The following HNRNPR variants were observed in gnomAD, a reference collection of about 807,000 sequenced individuals.
HNRNPR encodes the protein heterogeneous nuclear ribonucleoprotein R.
HNRNPR carries 4 observed loss-of-function variants against 70.3 expected under a neutral mutation model. That is an observed-to-expected ratio of 0.06 (90% CI 0.03 to 0.13). HNRNPR has a LOEUF of 0.13. HNRNPR is among the 10% of genes least tolerant of loss of function. HNRNPR has a pLI of 1.00. For missense variants in HNRNPR, 423 were observed against 788.5 expected, an observed-to-expected ratio of 0.54 and a Z score of 5.55; for synonymous variants, 241 against 267.6, an observed-to-expected ratio of 0.90 and a Z score of 0.97.
Position 23,330,466 on chromosome 1 carries a change from C to T in HNRNPR, c.498+3052G>A, listed in dbSNP as rs368146900. ...AGGAGGATCGCTTGAACCTGGGAGG[C>T]GGAGGTTGCAGTGAGCCGAGATCGT... On this transcript the variant is annotated intron_variant, in intron 5 of 10. Coordinates refer to ENST00000302271, the MANE Select transcript of HNRNPR (RefSeq NM_005826.5). Among the ~76,000 whole-genome samples, 3 of 151,950 alleles carry T rather than the reference C, an allele frequency of 2.0e-5. No individual in the cohort carries two copies. The East Asian group carries it at 5.8e-4, about 29-fold the overall frequency.
At chr1:23,319,627 C>T (rs1366791519) in intron 7 of HNRNPR, among the ~76,000 whole-genome samples, 1 of 152,160 alleles carries the variant, frequency 6.6e-6, no homozygotes, top group African/African-American at 2.4e-5. Flanking sequence ...GGAATAATAT[C>T]CCATAAACAA....
rs999432042 is a variant in HNRNPR, at chr1:23,333,712, G to C, written c.385-81C>G. The C allele has an allele frequency of 5.3e-6, 4 of 761,326 alleles. No individual in the cohort carries two copies. In the African/African-American group the frequency reaches 6.9e-5, roughly 13 times the overall value. 47.2% of individuals were successfully genotyped at this position (761,326 alleles called of 1,614,324 possible). ...TCAGTGTATTAATCTTTTCCAAAAAGGACTCCAACTTCCTAGGAGATATAT... is the reference window on the plus strand; with the variant it reads ...TCAGTGTATTAATCTTTTCCAAAAACGACTCCAACTTCCTAGGAGATATAT... On this transcript the variant is annotated intron_variant, in intron 4 of 10. Transcript: ENST00000302271.
intron 8 of HNRNPR, among the ~76,000 whole-genome samples, chr1:23,315,247 T>C (rs1045845288): frequency 1.4e-4 from 18 of 130,828 alleles, no homozygotes; most frequent in African/African-American, 5.1e-4. Flanking sequence ...ACCACTGCAC[T>C]CCAGCCTGGG....
intron 5 of HNRNPR, among the ~76,000 whole-genome samples, chr1:23,330,034 G>A (rs915455328): frequency 6.6e-6 from 1 of 152,012 alleles, no homozygotes; most frequent in Non-Finnish European, 1.5e-5. Context: ...ATACAATTCA[G>A]GTGCCACAAA....
intron 3 of HNRNPR, chr1:23,338,220 A>T (rs994843325): frequency 3.1e-6 from 1 of 323,840 alleles, no homozygotes; most frequent in African/African-American, 2.1e-5. Context: ...GCTGAGTAAC[A>T]TGTAAAAACC....
intron 9 of HNRNPR, among the ~76,000 whole-genome samples, chr1:23,312,700 G>C (rs531982422): frequency 6.6e-6 from 1 of 152,238 alleles, no homozygotes; most frequent in African/African-American, 2.4e-5. Flanking sequence ...TTTAAAAGCA[G>C]TAGCCTGGGC....
chr1:23,323,868 G>GA, intron 5 of HNRNPR, 136 bp from the exon 6 acceptor site: 1 of 703,198 alleles, frequency 1.4e-6, no homozygotes, highest in Non-Finnish European at 2.5e-6. Flanking sequence ...GAAACTTACA[G>GA]TTGACTTGCA....
At chr1:23,335,396 C>T (rs1442527050) in intron 4 of HNRNPR, among the ~76,000 whole-genome samples, 1 of 152,198 alleles carries the variant, frequency 6.6e-6, no homozygotes, top group African/African-American at 2.4e-5. Context: ...GGCCACAGAC[C>T]CGTACTGGTC....
At chr1:23,333,329 G>C (rs187170944) in intron 5 of HNRNPR, among the ~76,000 whole-genome samples, 189 bp downstream of exon 5, 1 of 152,190 alleles carries the variant, frequency 6.6e-6, no homozygotes, top group South Asian at 2.1e-4. Flanking sequence ...TAAAGTGTTC[G>C]GGTATCTACC....
chr1:23,331,634 A>G (rs1646228596), intron 5 of HNRNPR, among the ~76,000 whole-genome samples: 1 of 150,768 alleles, frequency 6.6e-6, no homozygotes, highest in Non-Finnish European at 1.5e-5. Flanking sequence ...TTGCAGTGAG[A>G]CGAAATTGCA....
rs1645230040 is a variant in HNRNPR, at chr1:23,308,022, C to G, written c.*2432G>C. On this transcript the variant is annotated 3_prime_UTR_variant, in exon 11 of 11. Coordinates refer to ENST00000302271, the MANE Select transcript of HNRNPR (RefSeq NM_005826.5). ...TTATGTGAAAAGTTGAGCTCTGAAT[C>G]TATTTTCTCTGAATGCTGCTACAGT... The G allele has an allele frequency of 6.6e-6, 1 of 151,882 alleles. No individual in the cohort carries two copies. Among genetic ancestry groups the G allele is most frequent in the Non-Finnish European group, 1.5e-5 (1 of 67,870 alleles). The allele number at this position is 151,882 out of a possible 1,614,324, so 9.4% of individuals were successfully genotyped here.
chr1:23,339,888 A>G (rs1413675435), intron 2 of HNRNPR, among the ~76,000 whole-genome samples: 2 of 152,188 alleles, frequency 1.3e-5, no homozygotes, highest in African/African-American at 2.4e-5. Flanking sequence ...CTCTAAGCAG[A>G]TCACTGCCAA....
Position 23,331,990 on chromosome 1 carries a change from G to C in HNRNPR, c.498+1528C>G, listed in dbSNP as rs181503758. Among the ~76,000 whole-genome samples, 257 of 152,208 alleles carry C rather than the reference G, an allele frequency of 1.7e-3. 2 individuals carry two copies. The highest frequency in any genetic ancestry group is 5.8e-3 in the African/African-American group (242 of 41,538). On this transcript the variant is annotated intron_variant, in intron 5 of 10. Transcript: ENST00000302271. ...CCACTACAAATAGAAAAATTAGCCAGGCGTGGTGGCAGGCATCTGTAGTCC... is the reference window on the plus strand; with the variant it reads ...CCACTACAAATAGAAAAATTAGCCACGCGTGGTGGCAGGCATCTGTAGTCC...
rs11345105 is a variant in HNRNPR, at chr1:23,327,995, C to CAAA, written c.499-4266_499-4264dup. 6.7e-3 allele frequency among the ~76,000 whole-genome samples: 799 copies of CAAA among 118,636 alleles called. 9 individuals are homozygous for CAAA. Among genetic ancestry groups the CAAA allele is most frequent in the Middle Eastern group, 0.035 (8 of 230 alleles). 77.8% of individuals were successfully genotyped at this position (118,636 alleles called of 152,430 possible). Reference sequence around the variant, plus strand: ...TGAGAAACACAGCAAGACTCTGTCTCAAAAAAAAAAAAAAAAAAGAAAAGA... The same window carrying CAAA: ...TGAGAAACACAGCAAGACTCTGTCTCAAAAAAAAAAAAAAAAAAAAAGAAAAGA... On this transcript the variant is annotated intron_variant, in intron 5 of 10. Coordinates refer to ENST00000302271, the MANE Select transcript of HNRNPR (RefSeq NM_005826.5).
At chr1:23,332,297 T>C (rs1646267925) in intron 5 of HNRNPR, among the ~76,000 whole-genome samples, 2 of 152,138 alleles carry the variant, frequency 1.3e-5, no homozygotes, top group African/African-American at 4.8e-5. Flanking sequence ...CATCCTTCCC[T>C]TGTGCAATCC....
intron 5 of HNRNPR, among the ~76,000 whole-genome samples, chr1:23,332,404 T>A (rs1232743291): frequency 1.4e-5 from 2 of 145,840 alleles, no homozygotes; most frequent in Admixed American, 6.8e-5. Flanking sequence ...TTATTGATAT[T>A]AAAAAAAAAA....
At chr1:23,312,653 T>G (rs1360978301) in intron 9 of HNRNPR, among the ~76,000 whole-genome samples, 1 of 152,120 alleles carries the variant, frequency 6.6e-6, no homozygotes, top group Non-Finnish European at 1.5e-5. Context: ...AGCAAGCCAA[T>G]TAATTATAAA....
chr1:23,327,010 C>T (rs906260728), intron 5 of HNRNPR, among the ~76,000 whole-genome samples: 1 of 152,170 alleles, frequency 6.6e-6, no homozygotes, highest in African/African-American at 2.4e-5. Flanking sequence ...TGTCAACTGG[C>T]TCCTCTGATT....
At chr1:23,328,892 G>A (rs1044828161) in intron 5 of HNRNPR, among the ~76,000 whole-genome samples, 15 of 152,170 alleles carry the variant, frequency 9.9e-5, no homozygotes, top group Middle Eastern at 3.2e-3. Flanking sequence ...GCCAAGGCAG[G>A]AGGATTGCTT....
Sources: allele counts gnomAD v4.1 joint callset (sites outside exome capture counted in the v4.1 genomes callset), GRCh38; gene constraint gnomAD v4.1.1; transcripts MANE v1.5; gene names NCBI Gene and HGNC (gene_info 2026-07-23, HGNC 2026-07-21).